Variants in FAM13B observed in about 807,000 individuals in gnomAD.
The protein encoded by FAM13B is protein FAM13B.
In FAM13B, 60 loss-of-function variants were observed where a neutral mutation model predicts 117.3. That is an observed-to-expected ratio of 0.51 (90% confidence interval 0.42 to 0.63). FAM13B has a LOEUF of 0.63. Among genes scored for constraint, FAM13B ranks in the 30% least tolerant of loss-of-function variants. The probability of loss-of-function intolerance (pLI) is 0.00; values close to 1 mark genes in which losing one functional copy is unlikely to be tolerated. For synonymous variants in FAM13B, 332 were observed against 356.1 expected, an observed-to-expected ratio of 0.93 and a Z score of 0.76; for missense variants, 972 against 1,091.9, an observed-to-expected ratio of 0.89 and a Z score of 1.55.
At chr5:138,041,198 A>G (rs1241373952) in intron 1 of FAM13B, among the ~76,000 whole-genome samples, 1 of 152,212 alleles carries the variant, frequency 6.6e-6, no homozygotes, top group Non-Finnish European at 1.5e-5. Flanking sequence ...TTAAGAGAAA[A>G]TTACCATCTT....
intron 13 of FAM13B, among the ~76,000 whole-genome samples, chr5:137,958,219 T>A (rs890556940): frequency 2.0e-5 from 3 of 152,060 alleles, no homozygotes; most frequent in Non-Finnish European, 2.9e-5. Context: ...TGCTAACATA[T>A]CCCCCAACAC....
intron 1 of FAM13B, among the ~76,000 whole-genome samples, chr5:138,022,711 C>G (rs183305814): frequency 5.5e-4 from 84 of 152,252 alleles, no homozygotes; most frequent in Non-Finnish European, 2.5e-4. Context: ...GGGGGATTTG[C>G]TTGATGTACT....
intron 4 of FAM13B, among the ~76,000 whole-genome samples, chr5:138,016,091 T>A (rs571568425): frequency 6.6e-6 from 1 of 152,364 alleles, no homozygotes; most frequent in South Asian, 2.1e-4. Flanking sequence ...AGTAACAAGA[T>A]GCGTATTGTA....
rs1259728168 is a variant in FAM13B at position 137,956,543 on chromosome 5, C to T, written c.1442-1G>A. The T allele has an allele frequency of 1.3e-6, 2 of 1,585,980 alleles. No individual in the cohort carries two copies. Among genetic ancestry groups the T allele is most frequent in the South Asian group, 1.2e-5 (1 of 86,044 alleles). On this transcript the variant is annotated splice_acceptor_variant, in intron 13 of 23. Transcript: ENST00000689681. LOFTEE classifies it high-confidence loss of function. ...AGGGGAAAAGTGATAGGGCATGACG[C>T]TAATAAAATGGAAAAAATGGCAAAA...
chr5:138,030,316 A>T (rs1194850570), intron 1 of FAM13B, among the ~76,000 whole-genome samples: 1 of 152,106 alleles, frequency 6.6e-6, no homozygotes, highest in Non-Finnish European at 1.5e-5. Context: ...GCATCATCAC[A>T]GCTCACTGCA....
At position 138,011,092 on chromosome 5, in the gene FAM13B, A is replaced by T; in HGVS notation, c.606T>A (p.Ala202=). The change falls in exon 6 of 24, where the codon GCT becomes GCA. Residue 202 remains alanine, a synonymous_variant. Coordinates refer to ENST00000689681, the MANE Select transcript of FAM13B (RefSeq NM_001385994.1). ...KEQEIVSRIM[A]GLLENYYEFF... The stretch of plus-strand genomic sequence containing the variant: ...ACTCATAGTAGTTTTCCAGAAGTCC[A>T]GCCATTATCCTGCTCACTATTTCTT... 1 of 1,608,996 alleles carries T rather than the reference A, an allele frequency of 6.2e-7. No individual in the cohort carries two copies. The highest frequency in any genetic ancestry group is 8.5e-7 in the Non-Finnish European group (1 of 1,179,022).
In FAM13B at chr5:138,001,737, G is replaced by A. The variant is rs191512084; in HGVS notation, c.848+5253C>T. The stretch of plus-strand genomic sequence containing the variant: ...AAGGGAGATCAAGAATGGAGGATGA[G>A]GAGGTTATCACTGATACAGTGACAT... On this transcript the variant is annotated intron_variant, in intron 7 of 23. Coordinates refer to ENST00000689681, the MANE Select transcript of FAM13B (RefSeq NM_001385994.1). Among the ~76,000 whole-genome samples the A allele has an allele frequency of 3.6e-3, 548 of 152,266 alleles. 1 individual carries two copies. The highest frequency in any genetic ancestry group is 5.2e-3 in the Non-Finnish European group (353 of 68,030).
rs1178977059 is a variant in FAM13B at position 137,943,000 on chromosome 5, T to C, written c.2463A>G (p.Leu821=). The C allele has an allele frequency of 6.2e-7, 1 of 1,613,506 alleles. No homozygotes were observed. Among genetic ancestry groups the C allele is most frequent in the South Asian group, 1.1e-5 (1 of 90,958 alleles). ...GTACTGCAGTTTTCAACATATCACC[T>C]AACTCAGAGGACAGATTAACACCAT... is the stretch of plus-strand genomic sequence containing the variant. The part of the protein sequence containing the change: ...EEDGVNLSSE[L]GDMLKTAVQV... The change falls in exon 22 of 24, where the codon TTA becomes TTG. Residue 821 remains leucine, a synonymous_variant. Transcript: ENST00000689681.
At chr5:137,961,015 CT>C (rs1407798352) in intron 11 of FAM13B, among the ~76,000 whole-genome samples, 1 of 152,104 alleles carries the variant, frequency 6.6e-6, no homozygotes, top group Non-Finnish European at 1.5e-5. Flanking sequence ...GGAGACATGC[CT>C]TGATCTAAAT....
intron 4 of FAM13B, among the ~76,000 whole-genome samples, chr5:138,012,216 CTTTTTTTTTTT>C (rs36054299): frequency 3.3e-5 from 4 of 121,758 alleles, no homozygotes; most frequent in Non-Finnish European, 6.6e-5. Context: ...CCCCAATTCT[CTTTTTTTTTTT>C]TTTTTTTTTT....
At chr5:137,966,486 T>TAGAGAGAGAGAGAGAGAGAG (rs1244578551) in intron 10 of FAM13B, among the ~76,000 whole-genome samples, 1 of 44,012 alleles carries the variant, frequency 2.3e-5, no homozygotes, top group African/African-American at 9.7e-5. Context: ...TATATATATA[T>TAGAGAGAGAGAGAGAGAGAG]ATAGAGAGAG....
chr5:137,968,809 G>A (rs934403595), intron 10 of FAM13B, among the ~76,000 whole-genome samples: 8 of 152,234 alleles, frequency 5.3e-5, no homozygotes, highest in African/African-American at 7.2e-5. Context: ...AGCGCAAGGG[G>A]TCAGGGAGTT....
intron 4 of FAM13B, among the ~76,000 whole-genome samples, chr5:138,013,548 CAT>C (rs1014546275): frequency 1.3e-5 from 2 of 151,652 alleles, no homozygotes; most frequent in African/African-American, 4.8e-5. Flanking sequence ...GCTACAGTCA[CAT>C]GAGTTTTACT....
intron 7 of FAM13B, among the ~76,000 whole-genome samples, chr5:138,004,161 C>T (rs1433230490): frequency 9.2e-5 from 14 of 151,648 alleles, no homozygotes; most frequent in African/African-American, 3.1e-4. Context: ...CCCAGCTAAT[C>T]GGGAGGCTGA....
At chr5:138,008,695 ATTTC>A (rs1224667846) in intron 6 of FAM13B, among the ~76,000 whole-genome samples, 2 of 152,202 alleles carry the variant, frequency 1.3e-5, no homozygotes, top group African/African-American at 4.8e-5. Flanking sequence ...AATTGTTGTC[ATTTC>A]TTTAATAGCA....
chr5:137,945,838 AT>A (rs1398988018), intron 20 of FAM13B, 63 bp downstream of exon 20: 218 of 1,216,214 alleles, frequency 1.8e-4, no homozygotes, highest in South Asian at 3.1e-4. Flanking sequence ...CACAATAATA[AT>A]TTTTTTTGGG....
At chr5:138,011,609 G>A (rs557530770) in intron 5 of FAM13B, among the ~76,000 whole-genome samples, 159 bp downstream of exon 5, 1 of 152,018 alleles carries the variant, frequency 6.6e-6, no homozygotes, top group South Asian at 2.1e-4. Context: ...TAGTAGAGAC[G>A]GGGTTTCACC....
chr5:138,042,818 G>A (rs1056380941), intron 1 of FAM13B, among the ~76,000 whole-genome samples: 4 of 152,108 alleles, frequency 2.6e-5, no homozygotes, highest in South Asian at 2.1e-4. Flanking sequence ...GGGGCCAGGC[G>A]CGGTGGGTCA....
At chr5:138,009,396 CCT>C (rs1783375483) in intron 6 of FAM13B, among the ~76,000 whole-genome samples, 2 of 152,052 alleles carry the variant, frequency 1.3e-5, no homozygotes, top group African/African-American at 4.8e-5. Flanking sequence ...GGGAAATTAT[CCT>C]CTTTCCCCAT....
Sources: allele counts gnomAD v4.1 joint callset (sites outside exome capture counted in the v4.1 genomes callset), GRCh38; gene constraint gnomAD v4.1.1; transcripts MANE v1.5; gene names NCBI Gene and HGNC (gene_info 2026-07-23, HGNC 2026-07-21).